The following PDE4D variants were observed in gnomAD, a reference collection of about 807,000 sequenced individuals.
The protein encoded by PDE4D is 3',5'-cyclic-AMP phosphodiesterase 4D.
In PDE4D, 24 loss-of-function variants were observed where a neutral mutation model predicts 87.4. The ratio of observed to expected loss-of-function variants is 0.27; its 90% confidence interval spans 0.20 to 0.39. The LOEUF is 0.39. PDE4D is among the 10% of genes least tolerant of loss of function. The pLI, the probability that PDE4D is intolerant of heterozygous loss-of-function variation, is 1.00. For missense variants in PDE4D, 714 were observed against 1,041.0 expected (o/e 0.69, Z 4.32); for synonymous variants, 384 against 383.2 (o/e 1.00, Z -0.02).
At chr5:59,115,190 C>G (rs1378905377) in intron 5 of PDE4D, among the ~76,000 whole-genome samples, 1 of 151,998 alleles carries the variant, frequency 6.6e-6, no homozygotes, top group Non-Finnish European at 1.5e-5. Flanking sequence ...TATAGAAGAG[C>G]AATACAGATT....
chr5:59,191,723 C>G (rs1421513840), intron 3 of PDE4D, among the ~76,000 whole-genome samples: 1 of 152,060 alleles, frequency 6.6e-6, no homozygotes, highest in Non-Finnish European at 1.5e-5. Context: ...CACCCGTCAC[C>G]ATGCCTGGCT....
chr5:60,274,817 C>T (rs1296875742), intron 1 of PDE4D, among the ~76,000 whole-genome samples: 1 of 152,192 alleles, frequency 6.6e-6, no homozygotes, highest in Non-Finnish European at 1.5e-5. Flanking sequence ...GGCTGCATTC[C>T]CACTTGGAAA....
intron 2 of PDE4D, among the ~76,000 whole-genome samples, chr5:59,993,832 T>A (rs552813179): frequency 1.3e-5 from 2 of 152,128 alleles, no homozygotes; most frequent in South Asian, 4.1e-4. Context: ...ATAAAAGAAA[T>A]GCTCACATAT....
At chr5:60,209,193 T>C (rs377172474) in intron 1 of PDE4D, among the ~76,000 whole-genome samples, 33 of 146,814 alleles carry the variant, frequency 2.2e-4, no homozygotes, top group African/African-American at 5.0e-4. Flanking sequence ...TTTTCTTTTT[T>C]TTTTTTTTTT....
chr5:59,160,864 G>A (rs752728068), intron 5 of PDE4D, among the ~76,000 whole-genome samples: 3 of 152,140 alleles, frequency 2.0e-5, no homozygotes, highest in South Asian at 2.1e-4. Flanking sequence ...TTGGGAGGCC[G>A]AGATGGGTGG....
intron 1 of PDE4D, among the ~76,000 whole-genome samples, chr5:59,659,569 G>C (rs1197861044): frequency 6.6e-6 from 1 of 152,218 alleles, no homozygotes; most frequent in East Asian, 1.9e-4. Flanking sequence ...GTCTTCGTAG[G>C]TAAGAAGTCT....
intron 1 of PDE4D, among the ~76,000 whole-genome samples, chr5:59,593,923 T>C (rs1268935582): frequency 6.6e-6 from 1 of 152,160 alleles, no homozygotes; most frequent in African/African-American, 2.4e-5. Flanking sequence ...AGGGAAAAAG[T>C]ACACATCTTT....
intron 1 of PDE4D, among the ~76,000 whole-genome samples, chr5:59,613,799 T>A (rs1829302468): frequency 6.6e-6 from 1 of 152,086 alleles, no homozygotes; most frequent in Admixed American, 6.6e-5. Flanking sequence ...ATTGACCAAT[T>A]TATAAGAGAG....
intron 1 of PDE4D, among the ~76,000 whole-genome samples, chr5:60,292,240 G>A (rs1752961474): frequency 6.6e-6 from 1 of 152,038 alleles, no homozygotes; most frequent in Non-Finnish European, 1.5e-5. Context: ...ATATCCTTTT[G>A]GTCTCACTAA....
intron 2 of PDE4D, among the ~76,000 whole-genome samples, chr5:60,060,992 C>T (rs565501720): frequency 5.3e-5 from 8 of 152,142 alleles, no homozygotes; most frequent in South Asian, 2.1e-4. Flanking sequence ...TGGCCAAAAG[C>T]GAGAAGCATT....
At chr5:59,220,862 A>G (rs1301222445) in intron 1 of PDE4D, among the ~76,000 whole-genome samples, 1 of 147,398 alleles carries the variant, frequency 6.8e-6, no homozygotes, top group Non-Finnish European at 1.5e-5. Flanking sequence ...CTCACAGCCA[A>G]TTAGATGGAG....
chr5:60,107,809 C>T (rs1015350063), intron 2 of PDE4D, among the ~76,000 whole-genome samples: 1 of 152,044 alleles, frequency 6.6e-6, no homozygotes, highest in Non-Finnish European at 1.5e-5. Flanking sequence ...AATTCAACAG[C>T]CCTTCATGCT....
chr5:60,328,307 T>C (rs1296088381), intron 1 of PDE4D, among the ~76,000 whole-genome samples: 1 of 152,210 alleles, frequency 6.6e-6, no homozygotes, highest in Non-Finnish European at 1.5e-5. Flanking sequence ...AGTCCATTCT[T>C]CTAGCTCTCC....
intron 1 of PDE4D, among the ~76,000 whole-genome samples, chr5:59,640,815 A>C (rs946007087): frequency 1.3e-5 from 2 of 152,232 alleles, no homozygotes; most frequent in Non-Finnish European, 2.9e-5. Context: ...AACAACAAAC[A>C]AAAAGCTATT....
chr5:60,287,780 G>A (rs977558710), intron 1 of PDE4D, among the ~76,000 whole-genome samples: 2 of 152,150 alleles, frequency 1.3e-5, no homozygotes, highest in Admixed American at 1.3e-4. Context: ...TGAAATGGCT[G>A]AATCTTTAAA....
At chr5:59,123,445 C>G (rs1283871417) in intron 5 of PDE4D, among the ~76,000 whole-genome samples, 1 of 152,172 alleles carries the variant, frequency 6.6e-6, no homozygotes, top group East Asian at 1.9e-4. Flanking sequence ...CTTTCATAAT[C>G]TGCCGTTTAT....
intron 1 of PDE4D, among the ~76,000 whole-genome samples, chr5:59,596,312 C>G (rs987597092): frequency 1.3e-5 from 2 of 149,548 alleles, no homozygotes; most frequent in African/African-American, 4.9e-5. Flanking sequence ...TTTAGAAAAC[C>G]ATGCAAGTTC....
chr5:59,405,693 T>A (rs932969580), intron 1 of PDE4D, among the ~76,000 whole-genome samples: 1 of 152,206 alleles, frequency 6.6e-6, no homozygotes, highest in Non-Finnish European at 1.5e-5. Context: ...TGGCTTTCCT[T>A]GTGTTCAGGT....
At chr5:60,350,962 G>T (rs1759133643) in intron 1 of PDE4D, among the ~76,000 whole-genome samples, 1 of 152,088 alleles carries the variant, frequency 6.6e-6, no homozygotes, top group African/African-American at 2.4e-5. Flanking sequence ...AAGAATTCCA[G>T]CTTACACCTG....
Sources: gnomAD v4.1 joint callset for allele counts (sites outside exome capture counted in the v4.1 genomes callset) on GRCh38, gnomAD v4.1.1 for gene constraint, MANE v1.5 for transcripts, NCBI Gene and HGNC (gene_info 2026-07-23, HGNC 2026-07-21) for gene names.